The following SUCO variants were observed in gnomAD, a reference collection of about 807,000 sequenced individuals.
SUCO encodes the protein SUN domain containing ossification factor, also known as SUN domain-containing ossification factor.
In SUCO, 57 loss-of-function variants were observed where a neutral mutation model predicts 148.1. That is an observed-to-expected ratio of 0.38 (90% CI 0.31 to 0.48). The LOEUF (loss-of-function observed/expected upper bound fraction) is 0.48. SUCO is among the 20% of genes least tolerant of loss of function. The pLI, the probability that SUCO is intolerant of heterozygous loss-of-function variation, is 0.96. For missense variants in SUCO, 1,331 were observed against 1,468.2 expected (o/e 0.91, Z 1.53); for synonymous variants, 470 against 502.7 (o/e 0.93, Z 0.87).
At chr1:172,580,146 CCTT>C (rs371502526) in intron 15 of SUCO, among the ~76,000 whole-genome samples, 55 of 152,160 alleles carry the variant, frequency 3.6e-4, no homozygotes, top group African/African-American at 1.3e-3. Flanking sequence ...TTTCATCTCT[CCTT>C]CTAGCCTTTT....
In SUCO at chr1:172,556,021, T is replaced by G; in HGVS notation, c.441T>G (p.Leu147=). The part of the protein sequence containing the change: ...STSEITPISK[L]DEIEKSGTIP... ...CAGAAATCACTCCAATCTCAAAGCT[T>G]GAGTAAGTTGTTACAAAAAACAAAC... is the stretch of plus-strand genomic sequence containing the variant. The change falls in exon 4 of 24, where the codon CTT becomes CTG. Residue 147 remains leucine, a splice_region_variant and synonymous_variant. Coordinates refer to ENST00000263688, the MANE Select transcript of SUCO (RefSeq NM_014283.5). 6.2e-7 allele frequency: 1 copy of G among 1,604,786 alleles called. No homozygotes were observed. The highest frequency in any genetic ancestry group is 8.5e-7 in the Non-Finnish European group (1 of 1,175,392).
At chr1:172,548,754 G>A (rs1288780148) in intron 1 of SUCO, among the ~76,000 whole-genome samples, 1 of 151,894 alleles carries the variant, frequency 6.6e-6, no homozygotes, top group Non-Finnish European at 1.5e-5. Context: ...TGGAATTTGA[G>A]GCTTCTTTTG....
intron 20 of SUCO, 119 bp downstream of exon 20, chr1:172,600,287 G>A: frequency 4.1e-6 from 3 of 723,550 alleles, no homozygotes; most frequent in Non-Finnish European, 6.8e-6. Flanking sequence ...GTCATTTGTA[G>A]TGAACTTTTT....
At chr1:172,601,997 T>G in intron 20 of SUCO, 67 bp from the exon 21 acceptor site, 1 of 1,429,518 alleles carries the variant, frequency 7.0e-7, no homozygotes, top group Non-Finnish European at 9.4e-7. Flanking sequence ...CTTTGAATTT[T>G]AGATACCCTT....
intron 19 of SUCO, 27 bp from the exon 20 acceptor site, chr1:172,600,036 CA>C (rs767543100): frequency 5.9e-4 from 829 of 1,416,848 alleles, no homozygotes; most frequent in South Asian, 8.4e-4. Flanking sequence ...AGTTAATATT[CA>C]AAAAAAAATA....
intron 6 of SUCO, among the ~76,000 whole-genome samples, chr1:172,561,469 C>G (rs985186375): frequency 2.0e-4 from 30 of 152,066 alleles, no homozygotes; most frequent in Non-Finnish European, 2.8e-4. Context: ...TGCCCTGATG[C>G]TATAATTTTT....
At chr1:172,579,402 G>A (rs984962041) in intron 15 of SUCO, 135 bp downstream of exon 15, 1 of 541,058 alleles carries the variant, frequency 1.8e-6, no homozygotes, top group African/African-American at 2.0e-5. Flanking sequence ...ACTGTCTTTT[G>A]AAAAGTATTT....
intron 15 of SUCO, among the ~76,000 whole-genome samples, chr1:172,581,599 C>T (rs1571251587): frequency 6.6e-6 from 1 of 152,174 alleles, no homozygotes; most frequent in African/African-American, 2.4e-5. Flanking sequence ...GGAATCAGAA[C>T]TTCAGTAGTT....
At chr1:172,593,338 T>C (rs1656816039) in intron 19 of SUCO, among the ~76,000 whole-genome samples, 1 of 152,230 alleles carries the variant, frequency 6.6e-6, no homozygotes, top group South Asian at 2.1e-4. Flanking sequence ...AGAGAGGGCA[T>C]CCTTGTCTTG....
chr1:172,590,497 C>CT (rs746624474), intron 18 of SUCO: 37 of 301,776 alleles, frequency 1.2e-4, no homozygotes, highest in Middle Eastern at 1.6e-3. Context: ...CCTATTTACT[C>CT]TTTTTTTTAT....
At chr1:172,537,788 A>G (rs577289038) in intron 1 of SUCO, among the ~76,000 whole-genome samples, 1 of 152,362 alleles carries the variant, frequency 6.6e-6, no homozygotes, top group Admixed American at 6.5e-5. Context: ...TTTGGCAAAT[A>G]TAACAGGTAC....
intron 4 of SUCO, 45 bp from the exon 5 acceptor site, chr1:172,557,235 A>G (rs777060446): frequency 1.3e-6 from 2 of 1,595,176 alleles, no homozygotes; most frequent in East Asian, 4.5e-5. Context: ...ATATTACCTC[A>G]AGTTTATTTA....
In SUCO at chr1:172,539,563, C is replaced by A. The variant is rs139022406; in HGVS notation, c.62+6066C>A. 5.3e-5 allele frequency among the ~76,000 whole-genome samples: 8 copies of A among 152,166 alleles called. No individual in the cohort carries two copies. In the East Asian group the frequency reaches 1.6e-3, roughly 30 times the overall value. ...CTAGTTAAAATTATTTTATATTTTA[C>A]ATGAAAGTGACACCTGGCTGTATCA... On this transcript the variant is annotated intron_variant, in intron 1 of 23. Transcript: ENST00000263688.
intron 2 of SUCO, chr1:172,551,950 G>C (rs572520093): frequency 9.1e-4 from 149 of 164,008 alleles, no homozygotes; most frequent in African/African-American, 3.4e-3. Context: ...TTTTGCAAAT[G>C]AGAACTATTA....
chr1:172,540,010 G>T (rs757984579), intron 1 of SUCO, among the ~76,000 whole-genome samples: 3 of 152,136 alleles, frequency 2.0e-5, no homozygotes, highest in Non-Finnish European at 4.4e-5. Flanking sequence ...TTTATTGAGT[G>T]ATTATTTCTC....
At position 172,588,192 on chromosome 1, in the gene SUCO, A is replaced by C; in HGVS notation, c.1659-568A>C. The C allele has an allele frequency of 1.9e-5, 19 of 985,288 alleles. No homozygotes were observed. The South Asian group carries it at 8.9e-4, about 46-fold the overall frequency. 61.0% of individuals were successfully genotyped at this position (985,288 alleles called of 1,614,324 possible). A position where few individuals can be genotyped will look rare whatever the true frequency, so the allele number is the denominator to read the frequency against. ...AGGTGTGTGTGTGCGTTGTGTGTTT[A>C]ATGCTGTATTGGAGTTCCTCAAATC... On this transcript the variant is annotated intron_variant, in intron 17 of 23. Transcript: ENST00000263688.
Position 172,600,049 on chromosome 1 carries a change from A to C in SUCO, c.2914-15A>C. On this transcript the variant is annotated splice_polypyrimidine_tract_variant and intron_variant, in intron 19 of 23. Coordinates refer to ENST00000263688, the MANE Select transcript of SUCO (RefSeq NM_014283.5). ...GTAGTTAATATTCAAAAAAAAATAA[A>C]TTCCTTTATCATAGGATCAGCGGCA... 1 of 1,543,268 alleles carries C rather than the reference A, an allele frequency of 6.5e-7. No homozygotes were observed. The highest frequency in any genetic ancestry group is 8.7e-7 in the Non-Finnish European group (1 of 1,147,252).
chr1:172,589,090 A>G lies in SUCO; in HGVS notation c.1989A>G (p.Gln663=), dbSNP rs759732337. 2.5e-6 allele frequency: 4 copies of G among 1,613,560 alleles called. No homozygotes were observed. Among genetic ancestry groups the G allele is most frequent in the African/African-American group, 2.7e-5 (2 of 74,920 alleles). The change falls in exon 18 of 24, where the codon CAA becomes CAG. Residue 663 remains glutamine (Q), a synonymous_variant. Coordinates refer to ENST00000263688, the MANE Select transcript of SUCO (RefSeq NM_014283.5). ...SKGKDYLVLA[Q]PPLLLPAESV... ...GAAAAGATTATCTTGTGTTAGCTCA[A>G]CCACCCTTACTACTTCCTGCGGAAT... is the stretch of plus-strand genomic sequence containing the variant.
intron 1 of SUCO, among the ~76,000 whole-genome samples, chr1:172,538,814 G>T (rs191146770): frequency 6.6e-5 from 10 of 152,272 alleles, no homozygotes; most frequent in Admixed American, 5.9e-4. Context: ...ATTTATAAGA[G>T]GTGTCGGGTC....
Sources: gnomAD v4.1 joint callset for allele counts (sites outside exome capture counted in the v4.1 genomes callset) on GRCh38, gnomAD v4.1.1 for gene constraint, MANE v1.5 for transcripts, NCBI Gene and HGNC (gene_info 2026-07-23, HGNC 2026-07-21) for gene names.